The following C6orf118 variants were observed in gnomAD, a reference collection of about 807,000 sequenced individuals.
C6orf118 encodes the protein uncharacterized protein C6orf118.
Under a neutral mutation model 50.2 loss-of-function variants are expected in C6orf118, and 50 were observed. The ratio of observed to expected loss-of-function variants is 1.00; its 90% CI spans 0.79 to 1.26. The LOEUF (loss-of-function observed/expected upper bound fraction) is 1.26, where lower values mean the gene tolerates loss of function less well. Ranked by LOEUF, C6orf118 falls within the 50% of genes most tolerant of loss-of-function variation. C6orf118 has a pLI of 0.00. For synonymous variants in C6orf118, 239 were observed against 230.9 expected, an observed-to-expected ratio of 1.03 and a Z score of -0.32; for missense variants, 641 against 578.7, an observed-to-expected ratio of 1.11 and a Z score of -1.10.
At chr6:165,288,289 TG>T (rs1329312292) in intron 7 of C6orf118, among the ~76,000 whole-genome samples, 1 of 152,196 alleles carries the variant, frequency 6.6e-6, no homozygotes, top group Non-Finnish European at 1.5e-5. Context: ...CAACAGATGC[TG>T]GCAAAGTTGT....
chr6:165,279,938 G>T lies in C6orf118; in HGVS notation c.*119C>A. ...TACATATACCACATTAATTTTACTA[G>T]AGATTAAAGCTGATGAAATGAAATG... is the stretch of plus-strand genomic sequence containing the variant. On this transcript the variant is annotated 3_prime_UTR_variant, in exon 9 of 9. Transcript: ENST00000230301. 9.9e-7 allele frequency: 1 copy of T among 1,012,206 alleles called. No homozygotes were observed. Among genetic ancestry groups the T allele is most frequent in the Non-Finnish European group, 1.4e-6 (1 of 702,914 alleles). 62.7% of individuals were successfully genotyped at this position (1,012,206 alleles called of 1,614,324 possible).
At chr6:165,282,717 A>C (rs968015904) in intron 7 of C6orf118, among the ~76,000 whole-genome samples, 1 of 151,526 alleles carries the variant, frequency 6.6e-6, no homozygotes, top group African/African-American at 2.4e-5. Context: ...TACATAATAG[A>C]ATAACAATGG....
chr6:165,291,869 G>C (rs949396033), intron 6 of C6orf118, among the ~76,000 whole-genome samples: 2 of 152,096 alleles, frequency 1.3e-5, no homozygotes, highest in African/African-American at 4.8e-5. Flanking sequence ...ACTACTTTTC[G>C]ATGGGAACAA....
rs772407168 is a variant in C6orf118, at chr6:165,301,720, T to G, written c.602A>C (p.Tyr201Ser). The change falls in exon 2 of 9, where the codon TAT becomes TCT. Residue 201 changes from tyrosine to serine, a missense_variant. Tyr to Ser is a moderately radical substitution (Grantham distance 144). Transcript: ENST00000230301. Reference protein sequence around the residue: ...GSRGTRDRHHYVSSYLAGATS... With the variant: ...GSRGTRDRHHSVSSYLAGATS... ...GGCTCCGGCCAGGTAGGAGCTGACA[T>G]AGTGGTGCCGGTCCCTGGTGCCTCT... The G allele has an allele frequency of 1.2e-6, 2 of 1,614,108 alleles. No individual in the cohort carries two copies. Among genetic ancestry groups the G allele is most frequent in the South Asian group, 2.2e-5 (2 of 91,086 alleles).
At chr6:165,306,643 C>T (rs943863866) in intron 1 of C6orf118, among the ~76,000 whole-genome samples, 18 of 151,160 alleles carry the variant, frequency 1.2e-4, no homozygotes, top group Non-Finnish European at 1.9e-4. Flanking sequence ...CTCTAAAAGG[C>T]ACCTTGTACC....
At chr6:165,307,555 C>CAA (rs397964734) in intron 1 of C6orf118, among the ~76,000 whole-genome samples, 240 of 136,170 alleles carry the variant, frequency 1.8e-3, no homozygotes, top group African/African-American at 5.7e-3. Flanking sequence ...GAGACTGCCT[C>CAA]AAAAAAAAAA....
intron 3 of C6orf118, 109 bp downstream of exon 3, chr6:165,300,255 A>G: frequency 7.6e-7 from 1 of 1,313,336 alleles, no homozygotes. Flanking sequence ...TGTCTGTAGA[A>G]GGGGGCCTGT....
Position 165,281,678 on chromosome 6 carries a change from A to G in C6orf118, c.1318T>C (p.Leu440=), listed in dbSNP as rs1411796397. Residue 440 remains leucine (L), a synonymous_variant, in exon 8 of 9, where the codon TTG becomes CTG. Transcript: ENST00000230301. The part of the protein sequence containing the change: ...IKSIEHEAIQ[L]ETENMILKKK... The stretch of plus-strand genomic sequence containing the variant: ...TTTAAAATCATATTTTCTGTTTCCA[A>G]TTGTATAGCTTCATGCTGGAAGAGA... The G allele has an allele frequency of 6.7e-7, 1 of 1,496,674 alleles. No individual in the cohort carries two copies. Among genetic ancestry groups the G allele is most frequent in the Middle Eastern group, 1.7e-4 (1 of 5,740 alleles). 92.7% of individuals were successfully genotyped at this position (1,496,674 alleles called of 1,614,324 possible). A position where few individuals can be genotyped will look rare whatever the true frequency, so the allele number is the denominator to read the frequency against.
At chr6:165,287,228 T>G (rs1022859811) in intron 7 of C6orf118, among the ~76,000 whole-genome samples, 5 of 151,856 alleles carry the variant, frequency 3.3e-5, no homozygotes, top group Non-Finnish European at 7.4e-5. Context: ...ACAAGAGAAG[T>G]GAAATACCTC....
At chr6:165,297,769 C>T (rs1431914377) in intron 5 of C6orf118, among the ~76,000 whole-genome samples, 1 of 152,156 alleles carries the variant, frequency 6.6e-6, no homozygotes, top group Non-Finnish European at 1.5e-5. Flanking sequence ...TGCCCAAACT[C>T]CCCCCATGGA....
intron 1 of C6orf118, among the ~76,000 whole-genome samples, chr6:165,303,240 C>T (rs984923365): frequency 2.6e-5 from 4 of 152,180 alleles, no homozygotes; most frequent in Non-Finnish European, 4.4e-5. Context: ...GCTAGAGAAT[C>T]GCCGCTGTTG....
At chr6:165,308,165 G>C (rs1012374453) in intron 1 of C6orf118, among the ~76,000 whole-genome samples, 1 of 152,294 alleles carries the variant, frequency 6.6e-6, no homozygotes, top group Admixed American at 6.5e-5. Context: ...AGAATGATGG[G>C]ACCCAGAGCT....
At chr6:165,281,360 T>C (rs1779724697) in intron 8 of C6orf118, 1 of 315,548 alleles carries the variant, frequency 3.2e-6, no homozygotes, top group African/African-American at 2.2e-5. Flanking sequence ...GTGTATTTAA[T>C]GTAAGCATTC....
At chr6:165,290,630 A>ATCT (rs1780075233) in intron 6 of C6orf118, among the ~76,000 whole-genome samples, 1 of 152,190 alleles carries the variant, frequency 6.6e-6, no homozygotes, top group African/African-American at 2.4e-5. Flanking sequence ...CTATGTTAAG[A>ATCT]AATCGGTCAA....
chr6:165,302,815 C>T (rs1463129206), intron 1 of C6orf118, among the ~76,000 whole-genome samples: 1 of 152,158 alleles, frequency 6.6e-6, no homozygotes, highest in Non-Finnish European at 1.5e-5. Context: ...ACAGAGCCAA[C>T]CCCCAGGGCT....
intron 1 of C6orf118, among the ~76,000 whole-genome samples, chr6:165,307,252 T>A (rs1780772152): frequency 8.2e-6 from 1 of 121,772 alleles, no homozygotes; most frequent in Non-Finnish European, 1.6e-5. Context: ...CAATAGGCCT[T>A]TAATGTCAAA....
intron 7 of C6orf118, 112 bp from the exon 8 acceptor site, chr6:165,281,805 A>G (rs1198166835): frequency 1.1e-5 from 6 of 560,386 alleles, no homozygotes; most frequent in Non-Finnish European, 1.8e-5. Context: ...AGAGTACTCA[A>G]TAGCACATTA....
At chr6:165,307,996 C>A (rs1280776981) in intron 1 of C6orf118, among the ~76,000 whole-genome samples, 1 of 152,228 alleles carries the variant, frequency 6.6e-6, no homozygotes, top group Non-Finnish European at 1.5e-5. Flanking sequence ...TGTTGCCCCA[C>A]GCTGCACTGT....
At chr6:165,299,351 G>T in intron 4 of C6orf118, 92 bp downstream of exon 4, 1 of 1,107,136 alleles carries the variant, frequency 9.0e-7, no homozygotes. Flanking sequence ...CACACATGGG[G>T]CTTCTTGGAT....
Sources: allele counts gnomAD v4.1 joint callset (sites outside exome capture counted in the v4.1 genomes callset), GRCh38; gene constraint gnomAD v4.1.1; transcripts MANE v1.5; gene names NCBI Gene and HGNC (gene_info 2026-07-23, HGNC 2026-07-21).